Variants in ATF7IP observed in about 807,000 individuals in gnomAD.
ATF7IP encodes the protein activating transcription factor 7 interacting protein, also known as activating transcription factor 7-interacting protein 1.
ATF7IP carries 23 observed loss-of-function variants against 106.4 expected under a neutral mutation model. That is an observed-to-expected ratio of 0.22 (90% CI 0.16 to 0.31). The LOEUF (loss-of-function observed/expected upper bound fraction) is 0.31, where lower values mean the gene tolerates loss of function less well. Among genes scored for constraint, ATF7IP ranks in the 10% least tolerant of loss-of-function variants. ATF7IP has a pLI of 1.00. For missense variants in ATF7IP, 1,334 were observed against 1,524.3 expected (o/e 0.88, Z 2.08); for synonymous variants, 542 against 539.0 (o/e 1.01, Z -0.08).
At chr12:14,491,447 T>A (rs1944820874) in intron 13 of ATF7IP, among the ~76,000 whole-genome samples, 2 of 152,326 alleles carry the variant, frequency 1.3e-5, no homozygotes, top group South Asian at 2.1e-4. Flanking sequence ...TTGGTCAGAT[T>A]TATTTCCCAT....
At position 14,425,345 on chromosome 12, in the gene ATF7IP, C is replaced by T. The variant is rs779426647; in HGVS notation, c.1430C>T (p.Ser477Leu). ...GAGAAAATGGAAAGTTCTTTTGGTT[C>T]ACCATCTAAACAAGAAAGTAGTGAG... The part of the protein sequence containing the change: ...LEEKMESSFG[S>L]PSKQESSESL... The change falls in exon 2 of 15, where the codon TCA becomes TTA. Residue 477 changes from serine (S) to leucine (L), a missense_variant. Around this residue, in one of 10 missense-constraint regions of ATF7IP, gnomAD observed 41 missense variants for 60.4 expected, o/e 0.68. Coordinates refer to ENST00000261168, the MANE Select transcript of ATF7IP (RefSeq NM_018179.5). 6.2e-7 allele frequency: 1 copy of T among 1,612,890 alleles called. No individual in the cohort carries two copies. Among genetic ancestry groups the T allele is most frequent in the East Asian group, 2.2e-5 (1 of 44,812 alleles).
rs757963718 is a variant in ATF7IP at position 14,424,361 on chromosome 12, T to C, written c.446T>C (p.Leu149Pro). 3 of 1,614,152 alleles carry C rather than the reference T, an allele frequency of 1.9e-6. No homozygotes were observed. The South Asian group carries it at 3.3e-5, about 18-fold the overall frequency. ...LDAGDPASGVLASGDSTSGDP... is the reference protein window; with the variant it reads ...LDAGDPASGVPASGDSTSGDP... The stretch of plus-strand genomic sequence containing the variant: ...GCCGGAGATCCAGCCTCCGGAGTAC[T>C]GGCCTCTGGTGATTCCACCTCTGGT... Residue 149 changes from leucine to proline, a missense_variant, in exon 2 of 15, where the codon CTG becomes CCG. Transcript: ENST00000261168.
At chr12:14,379,581 C>G (rs2136408259) in intron 1 of ATF7IP, among the ~76,000 whole-genome samples, 1 of 152,040 alleles carries the variant, frequency 6.6e-6, no homozygotes, top group East Asian at 1.9e-4. Flanking sequence ...GCTACACATT[C>G]TCTAGTAGCT....
chr12:14,403,427 A>C (rs1940369345), intron 1 of ATF7IP, among the ~76,000 whole-genome samples: 2 of 152,182 alleles, frequency 1.3e-5, no homozygotes, highest in Non-Finnish European at 2.9e-5. Flanking sequence ...TCCTGGCCTT[A>C]ATGATCTAAC....
chr12:14,457,120 C>T lies in ATF7IP; in HGVS notation c.2070-87C>T. On this transcript the variant is annotated intron_variant, in intron 7 of 14. Transcript: ENST00000261168. ...CCCAAGTCTAGCCACCCTTTTTCCCCTGTGGGCCACTGCTTATTCTAGATA... is the reference window on the plus strand; with the variant it reads ...CCCAAGTCTAGCCACCCTTTTTCCCTTGTGGGCCACTGCTTATTCTAGATA... 8 of 1,148,340 alleles carry T rather than the reference C, an allele frequency of 7.0e-6. No homozygotes were observed. The South Asian group carries it at 9.6e-5, about 14-fold the overall frequency. 71.1% of individuals were successfully genotyped at this position (1,148,340 alleles called of 1,614,324 possible).
chr12:14,500,836 A>G lies in ATF7IP; in HGVS notation c.*2763A>G, dbSNP rs1945142107. ...TATATTATGTTTTCTGTCAAAGGAA[A>G]ACAAATTCTCAAATAGGAATTCTAA... On this transcript the variant is annotated 3_prime_UTR_variant, in exon 15 of 15. Coordinates refer to ENST00000261168, the MANE Select transcript of ATF7IP (RefSeq NM_018179.5). 6.6e-6 allele frequency: 1 copy of G among 152,252 alleles called. No individual in the cohort carries two copies. Among genetic ancestry groups the G allele is most frequent in the South Asian group, 2.1e-4 (1 of 4,834 alleles). The allele number at this position is 152,252 out of a possible 1,614,324, so 9.4% of individuals were successfully genotyped here.
chr12:14,388,094 C>T (rs1231920688), intron 1 of ATF7IP, among the ~76,000 whole-genome samples: 2 of 150,912 alleles, frequency 1.3e-5, no homozygotes, highest in Admixed American at 6.6e-5. Context: ...GCTCACTGCA[C>T]CCTCTGCCTC....
At chr12:14,496,447 T>A in intron 14 of ATF7IP, 104 bp downstream of exon 14, 1 of 688,168 alleles carries the variant, frequency 1.5e-6, no homozygotes, top group Non-Finnish European at 2.5e-6. Context: ...AGGGAAGTGT[T>A]AGGTCTTCCT....
At chr12:14,427,826 T>A (rs894398466) in intron 2 of ATF7IP, among the ~76,000 whole-genome samples, 18 of 152,272 alleles carry the variant, frequency 1.2e-4, no homozygotes, top group East Asian at 3.9e-4. Flanking sequence ...CTGTTATTAC[T>A]CCTGCTGCGA....
intron 2 of ATF7IP, among the ~76,000 whole-genome samples, chr12:14,426,197 C>T (rs1941839547): frequency 6.6e-6 from 1 of 152,144 alleles, no homozygotes; most frequent in Non-Finnish European, 1.5e-5. Context: ...CTATCTCTCC[C>T]ATCTCTTTTA....
At chr12:14,490,976 C>T (rs963866557) in intron 13 of ATF7IP, among the ~76,000 whole-genome samples, 13 of 152,170 alleles carry the variant, frequency 8.5e-5, no homozygotes, top group Admixed American at 5.9e-4. Context: ...AGAGCTGTCT[C>T]TCAAAAGGAG....
At chr12:14,397,200 A>T (rs1269187712) in intron 1 of ATF7IP, among the ~76,000 whole-genome samples, 1 of 152,018 alleles carries the variant, frequency 6.6e-6, no homozygotes, top group Non-Finnish European at 1.5e-5. Flanking sequence ...AAAACAAAAC[A>T]CCAAAAAAAC....
intron 1 of ATF7IP, among the ~76,000 whole-genome samples, chr12:14,371,586 A>G (rs923778214): frequency 1.3e-5 from 2 of 152,140 alleles, no homozygotes; most frequent in African/African-American, 4.8e-5. Context: ...GTCCAGCATC[A>G]TGATAGTAAA....
chr12:14,491,253 A>G (rs975212401), intron 13 of ATF7IP, among the ~76,000 whole-genome samples: 3 of 152,202 alleles, frequency 2.0e-5, no homozygotes, highest in East Asian at 3.8e-4. Flanking sequence ...GGCTGGAGTA[A>G]CACACCCACA....
chr12:14,478,195 T>C, intron 11 of ATF7IP, 122 bp from the exon 12 acceptor site: 2 of 852,498 alleles, frequency 2.3e-6, no homozygotes, highest in Non-Finnish European at 1.8e-6. Flanking sequence ...AAATAAATTA[T>C]TCTCTTAGAG....
At chr12:14,408,139 C>CACACAAAT (rs1396862974) in intron 1 of ATF7IP, among the ~76,000 whole-genome samples, 8 of 151,686 alleles carry the variant, frequency 5.3e-5, no homozygotes, top group Non-Finnish European at 1.0e-4. Flanking sequence ...CACACACACA[C>CACACAAAT]ACAAATATAT....
intron 1 of ATF7IP, among the ~76,000 whole-genome samples, chr12:14,422,312 TACACACACACAC>T (rs59503201): frequency 0.035 from 4,914 of 142,304 alleles, 258 homozygotes; most frequent in African/African-American, 0.12. Flanking sequence ...AAAAAGAGAA[TACACACACACAC>T]ACACACACAC....
chr12:14,400,670 G>A lies in ATF7IP; in HGVS notation c.-7-23239G>A, dbSNP rs1591793658. 2.6e-5 allele frequency among the ~76,000 whole-genome samples: 4 copies of A among 152,024 alleles called. No individual in the cohort carries two copies. The South Asian group carries it at 6.2e-4, about 24-fold the overall frequency. On this transcript the variant is annotated intron_variant, in intron 1 of 14. Coordinates refer to ENST00000261168, the MANE Select transcript of ATF7IP (RefSeq NM_018179.5). ...GATATATTCCTTTGTAAAACATGTT[G>A]ATACATTGTTAGATAGATACCTTAA... is the stretch of plus-strand genomic sequence containing the variant.
chr12:14,425,512 CT>C, intron 2 of ATF7IP, 39 bp downstream of exon 2: 1 of 1,477,438 alleles, frequency 6.8e-7, no homozygotes, highest in South Asian at 1.5e-5. Context: ...TTTTTATTGA[CT>C]TTGATGAACT....
Sources: allele counts gnomAD v4.1 joint callset (sites outside exome capture counted in the v4.1 genomes callset), GRCh38; gene constraint gnomAD v4.1.1; regional missense constraint gnomAD v4.1.1; transcripts MANE v1.5; gene names NCBI Gene and HGNC (gene_info 2026-07-23, HGNC 2026-07-21).